The following ALK variants were observed in gnomAD, a reference collection of about 807,000 sequenced individuals.
ALK encodes ALK tyrosine kinase receptor.
In ALK, 74 loss-of-function variants were observed where a neutral mutation model predicts 163.1. The ratio of observed to expected loss-of-function variants is 0.45; its 90% CI spans 0.38 to 0.55. The LOEUF is 0.55. Among genes scored for constraint, ALK ranks in the 20% least tolerant of loss-of-function variants. ALK has a pLI of 0.00. For missense variants in ALK, 2,063 were observed against 2,105.3 expected, an observed-to-expected ratio of 0.98 and a Z score of 0.39; for synonymous variants, 960 against 843.2, an observed-to-expected ratio of 1.14 and a Z score of -2.40.
intron 5 of ALK, among the ~76,000 whole-genome samples, chr2:29,339,993 G>T (rs1667742943): frequency 6.6e-6 from 1 of 152,258 alleles, no homozygotes; most frequent in Non-Finnish European, 1.5e-5. Context: ...TTCTTTTGTA[G>T]TCTCCATAGC....
intron 3 of ALK, among the ~76,000 whole-genome samples, chr2:29,549,003 T>A (rs1437790086): frequency 6.6e-6 from 1 of 152,086 alleles, no homozygotes; most frequent in Non-Finnish European, 1.5e-5. Context: ...TAGTGGGTCA[T>A]GACCAGCACT....
At chr2:29,530,396 C>G (rs1413120283) in intron 4 of ALK, among the ~76,000 whole-genome samples, 1 of 152,196 alleles carries the variant, frequency 6.6e-6, no homozygotes, top group Non-Finnish European at 1.5e-5. Flanking sequence ...TTCTCACACT[C>G]ATGGGTATTC....
intron 28 of ALK, among the ~76,000 whole-genome samples, chr2:29,195,096 C>T (rs1668991545): frequency 6.6e-6 from 1 of 152,150 alleles, no homozygotes; most frequent in South Asian, 2.1e-4. Context: ...CTCATTAAAA[C>T]ATTCTTTAGT....
Position 29,632,329 on chromosome 2 carries a change from T to C in ALK, c.952+62521A>G, listed in dbSNP as rs147132327. ...GTCCCTCTCCTGCCAAATTCATAAG[T>C]TGAAGTCCTAGGCCCCAGTATGATT... On this transcript the variant is annotated intron_variant, in intron 3 of 28. Transcript: ENST00000389048. 3.9e-3 allele frequency among the ~76,000 whole-genome samples: 595 copies of C among 152,248 alleles called. 1 individual carries two copies. The highest frequency in any genetic ancestry group is 0.013 in the African/African-American group (536 of 41,560).
chr2:29,253,171 T>C (rs569819472), intron 11 of ALK, among the ~76,000 whole-genome samples: 74 of 152,284 alleles, frequency 4.9e-4, no homozygotes, highest in African/African-American at 1.8e-3. Flanking sequence ...ATTTTTATTA[T>C]AAAGAGGGCA....
chr2:29,200,729 GTA>G (rs1192414278), intron 26 of ALK, among the ~76,000 whole-genome samples: 7 of 140,970 alleles, frequency 5.0e-5, no homozygotes, highest in Non-Finnish European at 9.2e-5. Context: ...ACGTATATAT[GTA>G]TATATATACG....
chr2:29,369,335 T>TGTGTGTGTG (rs1668587667), intron 5 of ALK, among the ~76,000 whole-genome samples: 1 of 125,370 alleles, frequency 8.0e-6, no homozygotes, highest in Non-Finnish European at 1.9e-5. Flanking sequence ...TGTGTGTGTG[T>TGTGTGTGTG]TGGTCTCCTA....
At chr2:29,718,111 G>A (rs1409024569) in intron 1 of ALK, among the ~76,000 whole-genome samples, 1 of 152,176 alleles carries the variant, frequency 6.6e-6, no homozygotes, top group African/African-American at 2.4e-5. Flanking sequence ...TTCCTCTAAT[G>A]TTGTTTGCTT....
At chr2:29,487,669 C>T (rs1222949113) in intron 4 of ALK, among the ~76,000 whole-genome samples, 1 of 152,134 alleles carries the variant, frequency 6.6e-6, no homozygotes, top group Non-Finnish European at 1.5e-5. Flanking sequence ...TGCCCTAGCT[C>T]ACATGATTTT....
At chr2:29,349,611 G>A (rs1668054819) in intron 5 of ALK, among the ~76,000 whole-genome samples, 1 of 152,166 alleles carries the variant, frequency 6.6e-6, no homozygotes, top group African/African-American at 2.4e-5. Flanking sequence ...GCAAAAATCA[G>A]GGCAGCTTGC....
intron 4 of ALK, among the ~76,000 whole-genome samples, chr2:29,485,670 G>C (rs1252292898): frequency 6.6e-6 from 1 of 152,120 alleles, no homozygotes; most frequent in Non-Finnish European, 1.5e-5. Context: ...TTGCTTGATG[G>C]GTGTTTGTTT....
At chr2:29,218,240 G>A (rs1669693168) in intron 23 of ALK, among the ~76,000 whole-genome samples, 2 of 152,198 alleles carry the variant, frequency 1.3e-5, no homozygotes, top group African/African-American at 2.4e-5. Flanking sequence ...GGTTGGCAAC[G>A]AGAGCCACAC....
At chr2:29,886,511 C>T (rs72794334) in intron 1 of ALK, among the ~76,000 whole-genome samples, 2,369 of 152,318 alleles carry the variant, frequency 0.016, 27 homozygotes, top group Non-Finnish European at 0.023. Flanking sequence ...AGAGATGTAA[C>T]TCAAAACTCA....
At chr2:29,550,537 T>C (rs1343954708) in intron 3 of ALK, among the ~76,000 whole-genome samples, 1 of 152,244 alleles carries the variant, frequency 6.6e-6, no homozygotes, top group Non-Finnish European at 1.5e-5. Context: ...TCTACAGTTT[T>C]TGAATACATA....
At chr2:29,763,110 A>T (rs1428949271) in intron 1 of ALK, among the ~76,000 whole-genome samples, 1 of 149,756 alleles carries the variant, frequency 6.7e-6, no homozygotes, top group East Asian at 2.0e-4. Context: ...AAAAAAAAAT[A>T]GGACTCTGAA....
intron 2 of ALK, among the ~76,000 whole-genome samples, chr2:29,709,495 G>A (rs375869709): frequency 5.4e-4 from 82 of 152,278 alleles, no homozygotes; most frequent in African/African-American, 1.9e-3. Flanking sequence ...AGAAGTACTA[G>A]GTGTGCAAAA....
chr2:29,217,093 G>A (rs62650642), intron 23 of ALK, among the ~76,000 whole-genome samples: 29,284 of 138,974 alleles, frequency 0.21, 3,246 homozygotes, highest in Middle Eastern at 0.4. Context: ...AGTGGTATAT[G>A]TCTATGTGGT....
intron 4 of ALK, among the ~76,000 whole-genome samples, chr2:29,460,205 A>C (rs913027684): frequency 6.6e-6 from 1 of 152,216 alleles, no homozygotes; most frequent in Admixed American, 6.5e-5. Context: ...TTGGGCTTCC[A>C]TGTAAAATAC....
intron 1 of ALK, among the ~76,000 whole-genome samples, chr2:29,849,431 G>A (rs1315079411): frequency 6.6e-6 from 1 of 152,218 alleles, no homozygotes; most frequent in Non-Finnish European, 1.5e-5. Context: ...ACAGGAGGCA[G>A]GAGGCGGAAC....
Sources: allele counts gnomAD v4.1 joint callset (sites outside exome capture counted in the v4.1 genomes callset), GRCh38; gene constraint gnomAD v4.1.1; transcripts MANE v1.5; gene names NCBI Gene and HGNC (gene_info 2026-07-23, HGNC 2026-07-21).